Variants in PPP2R5C observed in about 807,000 individuals in gnomAD.
PPP2R5C encodes protein phosphatase 2 regulatory subunit B'gamma.
In PPP2R5C, 7 loss-of-function variants were observed where a neutral mutation model predicts 68.9. The ratio of observed to expected loss-of-function variants is 0.10; its 90% CI spans 0.06 to 0.19. The LOEUF (loss-of-function observed/expected upper bound fraction) is 0.19. Among genes scored for constraint, PPP2R5C ranks in the 10% least tolerant of loss-of-function variants. The probability of loss-of-function intolerance (pLI) is 1.00; values close to 1 mark genes in which losing one functional copy is unlikely to be tolerated. For synonymous variants in PPP2R5C, 210 were observed against 222.2 expected (o/e 0.95, Z 0.49); for missense variants, 348 against 641.3 (o/e 0.54, Z 4.94).
At chr14:101,838,023 C>T (rs1304930972) in intron 1 of PPP2R5C, among the ~76,000 whole-genome samples, 2 of 152,128 alleles carry the variant, frequency 1.3e-5, no homozygotes, top group Admixed American at 6.5e-5. Context: ...AAGGTAATGG[C>T]TTAGAGTTAA....
chr14:101,824,099 G>A lies in PPP2R5C; in HGVS notation c.94+14063G>A, dbSNP rs765679325. 94 of 1,288,898 alleles carry A rather than the reference G, an allele frequency of 7.3e-5. No individual in the cohort carries two copies. The South Asian group carries it at 1.0e-3, about 14-fold the overall frequency. 79.8% of individuals were successfully genotyped at this position (1,288,898 alleles called of 1,614,324 possible). A position where few individuals can be genotyped will look rare whatever the true frequency, so the allele number is the denominator to read the frequency against. ...AGGACTGACTTTCCACTTGATTTTC[G>A]GAGCTCGCACATCCCGAGAGATTCA... On this transcript the variant is annotated intron_variant, in intron 1 of 13. Transcript: ENST00000334743.
rs542562365 is a variant in PPP2R5C at position 101,775,557 on chromosome 14, G to A, written c.94-10461G>A. Among the ~76,000 whole-genome samples, 5 of 152,302 alleles carry A rather than the reference G, an allele frequency of 3.3e-5. No homozygotes were observed. In the South Asian group the frequency reaches 8.3e-4, roughly 25 times the overall value. On this transcript the variant is annotated intron_variant, in intron 2 of 14. Coordinates refer to the PPP2R5C transcript ENST00000328724. ...AACTAATGGGGCGTTGTCCCTGAGC[G>A]TGAGGGACACCTCTGGCATCTTGTT...
At chr14:101,870,378 C>T (rs1191912622) in intron 2 of PPP2R5C, among the ~76,000 whole-genome samples, 3 of 152,106 alleles carry the variant, frequency 2.0e-5, no homozygotes, top group East Asian at 3.8e-4. Flanking sequence ...CGTTCTTTGG[C>T]GTATGGATTT....
intron 1 of PPP2R5C, among the ~76,000 whole-genome samples, chr14:101,845,004 G>A (rs904671103): frequency 5.3e-5 from 8 of 152,162 alleles, no homozygotes; most frequent in African/African-American, 1.7e-4. Context: ...TGCCCTGGGT[G>A]CCTGTTCTCC....
intron 7 of PPP2R5C, 147 bp downstream of exon 9, chr14:101,893,255 A>G: frequency 1.8e-6 from 1 of 563,968 alleles, no homozygotes; most frequent in Non-Finnish European, 3.1e-6. Flanking sequence ...GATAATCGAA[A>G]GAATAAGGGG....
intron 1 of PPP2R5C, among the ~76,000 whole-genome samples, chr14:101,851,456 T>C (rs897098979): frequency 6.6e-6 from 1 of 152,106 alleles, no homozygotes; most frequent in Admixed American, 6.5e-5. Context: ...AAAACGTGCA[T>C]GGAAGCTGAG....
At chr14:101,829,868 C>T (rs1297656485) in intron 1 of PPP2R5C, among the ~76,000 whole-genome samples, 1 of 152,038 alleles carries the variant, frequency 6.6e-6, no homozygotes. Context: ...GTGTCGCTGT[C>T]GTATTTTTCT....
At position 101,899,906 on chromosome 14, in the gene PPP2R5C, T is replaced by C. The variant is rs114627156; in HGVS notation, c.853-1813T>C. On this transcript the variant is annotated intron_variant, in intron 8 of 13. Coordinates refer to ENST00000334743, the Ensembl canonical transcript of PPP2R5C. This position sits in a 1 kb window ranked among gnomAD's most constrained non-coding sequence, Gnocchi z 4.2. The stretch of plus-strand genomic sequence containing the variant: ...CTTTTTTATTTTTATTTGGCTCTTT[T>C]GGGGTTTTTGTTTGTTTGTTAGATT... 3.7e-3 allele frequency among the ~76,000 whole-genome samples: 564 copies of C among 152,274 alleles called. 2 individuals carry two copies. Among genetic ancestry groups the C allele is most frequent in the African/African-American group, 0.013 (554 of 41,560 alleles).
At chr14:101,883,269 T>C in exon 4 of PPP2R5C, 2 of 1,560,614 alleles carry the variant, frequency 1.3e-6, no homozygotes, top group Non-Finnish European at 1.7e-6. Flanking sequence ...TGTTTATGAA[T>C]TTTTCTTAAG....
intron 3 of PPP2R5C, 143 bp from the exon 6 acceptor site, chr14:101,883,114 A>C (rs1463638578): frequency 8.1e-6 from 5 of 615,408 alleles, no homozygotes; most frequent in Admixed American, 3.2e-5. Flanking sequence ...GAATTAAGCC[A>C]TGTAATTTAG....
intron 13 of PPP2R5C, chr14:101,922,137 AT>A (rs760868876): frequency 6.5e-5 from 64 of 985,250 alleles, no homozygotes; most frequent in Non-Finnish European, 7.3e-5. Context: ...GACATGAAGT[AT>A]TTTCCCTTTT....
At chr14:101,858,738 T>C (rs2042583126) in intron 2 of PPP2R5C, among the ~76,000 whole-genome samples, 2 of 152,208 alleles carry the variant, frequency 1.3e-5, no homozygotes, top group South Asian at 4.1e-4. Flanking sequence ...AAGATTTTCC[T>C]ATGTTTAAGA....
chr14:101,823,312 A>C (rs528238928), intron 1 of PPP2R5C, among the ~76,000 whole-genome samples: 1 of 152,334 alleles, frequency 6.6e-6, no homozygotes, highest in Admixed American at 6.5e-5. Context: ...AGTTCAGAGC[A>C]GTGAAATTAA....
chr14:101,821,260 T>C (rs2040034415), intron 1 of PPP2R5C, among the ~76,000 whole-genome samples: 1 of 152,118 alleles, frequency 6.6e-6, no homozygotes, highest in African/African-American at 2.4e-5. Context: ...TTAAAAGCCA[T>C]TTTCAAGTAA....
intron 1 of PPP2R5C, among the ~76,000 whole-genome samples, chr14:101,832,736 T>G (rs1259597299): frequency 6.6e-6 from 1 of 152,082 alleles, no homozygotes; most frequent in Non-Finnish European, 1.5e-5. Context: ...GGGTCCAGAC[T>G]CCAGCAGCGT....
At position 101,762,976 on chromosome 14, in the gene PPP2R5C, T is replaced by C. The variant is rs2036633189; in HGVS notation, c.93+6T>C. 1 of 1,564,554 alleles carries C rather than the reference T, an allele frequency of 6.4e-7. No individual in the cohort carries two copies. Among genetic ancestry groups the C allele is most frequent in the Non-Finnish European group, 8.7e-7 (1 of 1,152,522 alleles). On this transcript the variant is annotated splice_donor_region_variant and intron_variant, in intron 2 of 14. Coordinates refer to the PPP2R5C transcript ENST00000328724. ...AAGACACAGTAGAATCAGAGGTAAC[T>C]GTCATCAAATATTGACTTTGTATTT...
chr14:101,904,677 T>C (rs1340531349), intron 9 of PPP2R5C, among the ~76,000 whole-genome samples: 1 of 152,122 alleles, frequency 6.6e-6, no homozygotes, highest in Non-Finnish European at 1.5e-5. Flanking sequence ...TGCCATTCTC[T>C]CAGCATCCCA....
chr14:101,901,763 A>G lies in PPP2R5C; in HGVS notation c.897A>G (p.Pro299=), dbSNP rs146327032. The G allele has an allele frequency of 6.4e-5, 103 of 1,613,972 alleles. No individual in the cohort carries two copies. The African/African-American group carries it at 6.5e-4, about 10-fold the overall frequency. The change falls in exon 9 of 14, where the codon CCA becomes CCG. Residue 299 remains proline (P), a synonymous_variant. Transcript: ENST00000334743. ...AATACTGGCCAAAGACTCACAGTCC[A>G]AAAGAAGTAATGTTCTTAAACGAAT...
At chr14:101,832,531 G>A (rs192152355) in intron 1 of PPP2R5C, among the ~76,000 whole-genome samples, 38 of 152,234 alleles carry the variant, frequency 2.5e-4, no homozygotes, top group African/African-American at 8.4e-4. Flanking sequence ...ACTGAAGTAC[G>A]GGAAACCCCA....
Sources: gnomAD v4.1 joint callset for allele counts (sites outside exome capture counted in the v4.1 genomes callset) on GRCh38, gnomAD v4.1.1 for gene constraint, Gnocchi (gnomAD v3.1) non-coding constraint, MANE v1.5 for transcripts, NCBI Gene and HGNC (gene_info 2026-07-23, HGNC 2026-07-21) for gene names.